Variants in PTPRE observed in about 807,000 individuals in gnomAD.
PTPRE encodes receptor-type tyrosine-protein phosphatase epsilon.
Under a neutral mutation model 102.0 loss-of-function variants are expected in PTPRE, and 51 were observed. The ratio of observed to expected loss-of-function variants is 0.50; its 90% CI spans 0.40 to 0.63. The LOEUF (loss-of-function observed/expected upper bound fraction) is 0.63, where lower values mean the gene tolerates loss of function less well. Ranked by LOEUF, PTPRE falls within the 30% of genes least tolerant of loss-of-function variation. The pLI is 0.00. For synonymous variants in PTPRE, 345 were observed against 348.2 expected (o/e 0.99, Z 0.10); for missense variants, 752 against 915.1 (o/e 0.82, Z 2.30).
Position 127,970,158 on chromosome 10 carries a change from C to T in PTPRE, c.-30-12116C>T, listed in dbSNP as rs140694503. On this transcript the variant is annotated intron_variant, in intron 1 of 20. Transcript: ENST00000254667. ...CAGTGGCCTGGAAGTCCAGCCCACACTCCCAGACTCCAGCTGGGAGACACA... is the reference window on the plus strand; with the variant it reads ...CAGTGGCCTGGAAGTCCAGCCCACATTCCCAGACTCCAGCTGGGAGACACA... 9.4e-3 allele frequency among the ~76,000 whole-genome samples: 1,432 copies of T among 152,304 alleles called. 24 individuals are homozygous for T. The highest frequency in any genetic ancestry group is 0.031 in the African/African-American group (1,306 of 41,558).
chr10:127,949,787 T>A (rs770230089), intron 1 of PTPRE, among the ~76,000 whole-genome samples: 1 of 152,166 alleles, frequency 6.6e-6, no homozygotes, highest in Non-Finnish European at 1.5e-5. Flanking sequence ...CTCGATTGAC[T>A]GAATTACCGC....
chr10:127,979,755 G>A (rs1003144198), intron 1 of PTPRE, among the ~76,000 whole-genome samples: 1 of 152,168 alleles, frequency 6.6e-6, no homozygotes, highest in Admixed American at 6.5e-5. Flanking sequence ...GCAACCATTG[G>A]CAAAGTGCCA....
chr10:128,074,466 G>A lies in PTPRE; in HGVS notation c.1599+995G>A, dbSNP rs189101784. On this transcript the variant is annotated intron_variant, in intron 17 of 20. Coordinates refer to ENST00000254667, the MANE Select transcript of PTPRE (RefSeq NM_006504.6). ...AGATCACCTGAGGTCAGGAGTTCGC[G>A]GCCAGCCTGGCCAACATGGCAAAAC... 1.3e-4 allele frequency among the ~76,000 whole-genome samples: 20 copies of A among 152,238 alleles called. No individual in the cohort carries two copies. The South Asian group carries it at 2.1e-3, about 16-fold the overall frequency.
chr10:128,020,694 C>T (rs547950891), intron 2 of PTPRE, among the ~76,000 whole-genome samples: 230 of 152,254 alleles, frequency 1.5e-3, no homozygotes, highest in Non-Finnish European at 2.6e-3. Context: ...TCCTGGTGTC[C>T]CAGTGGTGGG....
At position 128,069,529 on chromosome 10, in the gene PTPRE, G is replaced by T; in HGVS notation, c.1008-163G>T. The T allele has an allele frequency of 1.0e-5, 9 of 899,116 alleles. No homozygotes were observed. The South Asian group carries it at 1.2e-4, about 12-fold the overall frequency. 55.7% of individuals were successfully genotyped at this position (899,116 alleles called of 1,614,324 possible). Reference sequence around the variant, plus strand: ...GACCGGCCTGAGATCACTTTACTGAGACCACAGCTCCCTCTGGTGGCTGCA... The same window carrying T: ...GACCGGCCTGAGATCACTTTACTGATACCACAGCTCCCTCTGGTGGCTGCA... On this transcript the variant is annotated intron_variant, in intron 12 of 20. Coordinates refer to ENST00000254667, the MANE Select transcript of PTPRE (RefSeq NM_006504.6).
intron 1 of PTPRE, among the ~76,000 whole-genome samples, chr10:127,951,990 A>G (rs762701258): frequency 1.3e-5 from 2 of 152,220 alleles, no homozygotes; most frequent in Non-Finnish European, 2.9e-5. Flanking sequence ...GTGTGCAGCT[A>G]TTGATCTGGC....
intron 2 of PTPRE, among the ~76,000 whole-genome samples, chr10:127,997,159 G>A (rs1048977193): frequency 3.2e-4 from 48 of 152,138 alleles, no homozygotes; most frequent in Non-Finnish European, 4.9e-4. Context: ...AGCCTCTGAA[G>A]TACAATCCAG....
Position 128,070,045 on chromosome 10 carries a change from T to C in PTPRE, c.1143+218T>C. On this transcript the variant is annotated intron_variant, in intron 13 of 20. Coordinates refer to ENST00000254667, the MANE Select transcript of PTPRE (RefSeq NM_006504.6). This position sits in a 1 kb window ranked among gnomAD's most constrained non-coding sequence, Gnocchi z 4.8. The stretch of plus-strand genomic sequence containing the variant: ...CGTATCCTCATGTGAGATGGGGCAA[T>C]CCTACTCCCCCAAACGGTGCATGTA... 1 of 727,204 alleles carries C rather than the reference T, an allele frequency of 1.4e-6. No homozygotes were observed. Among genetic ancestry groups the C allele is most frequent in the Non-Finnish European group, 2.2e-6 (1 of 448,628 alleles). The allele number at this position is 727,204 out of a possible 1,614,324, so 45.0% of individuals were successfully genotyped here.
At chr10:127,994,289 C>A (rs1002460974) in intron 2 of PTPRE, among the ~76,000 whole-genome samples, 2 of 152,158 alleles carry the variant, frequency 1.3e-5, no homozygotes, top group Non-Finnish European at 2.9e-5. Flanking sequence ...TTCTCTGATT[C>A]CATCATTAGT....
intron 3 of PTPRE, among the ~76,000 whole-genome samples, chr10:128,045,995 CCT>C (rs1461019052): frequency 6.6e-6 from 1 of 152,196 alleles, no homozygotes; most frequent in African/African-American, 2.4e-5. Context: ...TGAACAGTGC[CCT>C]CTCTCACGGC....
intron 1 of PTPRE, among the ~76,000 whole-genome samples, chr10:127,946,610 G>A (rs987314393): frequency 8.5e-5 from 13 of 152,198 alleles, no homozygotes; most frequent in African/African-American, 2.9e-4. Flanking sequence ...CATTGCACCT[G>A]TGCACACTTG....
At chr10:127,933,122 C>G (rs1195983130) in intron 1 of PTPRE, among the ~76,000 whole-genome samples, 1 of 152,206 alleles carries the variant, frequency 6.6e-6, no homozygotes. Flanking sequence ...AATCTCCCTA[C>G]TTACAGTCAG....
At chr10:127,928,571 A>G (rs541410602) in intron 1 of PTPRE, among the ~76,000 whole-genome samples, 1 of 152,090 alleles carries the variant, frequency 6.6e-6, no homozygotes, top group Non-Finnish European at 1.5e-5. Context: ...ACCTAGACCC[A>G]TGTCTCCTGG....
chr10:127,943,757 A>G (rs1848416074), intron 1 of PTPRE, among the ~76,000 whole-genome samples: 1 of 152,352 alleles, frequency 6.6e-6, no homozygotes, highest in African/African-American at 2.4e-5. Flanking sequence ...GGTCTTCTCC[A>G]AACTCTCTTA....
intron 1 of PTPRE, among the ~76,000 whole-genome samples, chr10:127,937,261 A>C (rs1043799317): frequency 6.6e-6 from 1 of 152,222 alleles, no homozygotes; most frequent in Admixed American, 6.5e-5. Flanking sequence ...GAAGAAAAAA[A>C]GGGCATCTCT....
chr10:128,036,868 C>A (rs1014725674), intron 2 of PTPRE, among the ~76,000 whole-genome samples: 1 of 152,218 alleles, frequency 6.6e-6, no homozygotes, highest in Non-Finnish European at 1.5e-5. Flanking sequence ...TCCTGAGACT[C>A]TGCATTCCTC....
chr10:128,033,988 TA>T (rs1349409668), intron 2 of PTPRE, among the ~76,000 whole-genome samples: 8 of 152,194 alleles, frequency 5.3e-5, no homozygotes, highest in Admixed American at 5.2e-4. Context: ...TCTCATCAGT[TA>T]AAATAGAAGC....
intron 1 of PTPRE, among the ~76,000 whole-genome samples, chr10:127,924,417 G>A (rs1846858179): frequency 6.6e-6 from 1 of 152,170 alleles, no homozygotes; most frequent in South Asian, 2.1e-4. Context: ...GTAGAGACAG[G>A]GTTTTGCCAT....
In PTPRE at chr10:128,028,715, G is replaced by A. The variant is rs1366429481; in HGVS notation, c.-7-12160G>A. 2.0e-5 allele frequency among the ~76,000 whole-genome samples: 3 copies of A among 152,204 alleles called. No individual in the cohort carries two copies. Among genetic ancestry groups the A allele is most frequent in the South Asian group, 2.1e-4 (1 of 4,828 alleles). The stretch of plus-strand genomic sequence containing the variant: ...TCTGATGCCTTCATTCCCAGAACAC[G>A]AAGCCAAGGCCAGGAGTCGGGATCT... On this transcript the variant is annotated intron_variant, in intron 2 of 20. Transcript: ENST00000254667. The surrounding 1 kb of genome is among the most constrained non-coding windows in gnomAD (Gnocchi z 4.5).
Sources: allele counts gnomAD v4.1 joint callset (sites outside exome capture counted in the v4.1 genomes callset), GRCh38; gene constraint gnomAD v4.1.1; non-coding constraint Gnocchi (gnomAD v3.1); transcripts MANE v1.5; gene names NCBI Gene and HGNC (gene_info 2026-07-23, HGNC 2026-07-21).